Variants in MRPS9 observed in about 807,000 individuals in gnomAD.
MRPS9 encodes small ribosomal subunit protein uS9m.
In MRPS9, 45 loss-of-function variants were observed where a neutral mutation model predicts 59.9. The ratio of observed to expected loss-of-function variants is 0.75; its 90% CI spans 0.59 to 0.96. The LOEUF (loss-of-function observed/expected upper bound fraction) is 0.96, where lower values mean the gene tolerates loss of function less well. Ranked by LOEUF, MRPS9 falls within the 40% of genes least tolerant of loss-of-function variation. The probability of loss-of-function intolerance (pLI) is 0.00; values close to 1 mark genes in which losing one functional copy is unlikely to be tolerated. For synonymous variants in MRPS9, 171 were observed against 166.8 expected (o/e 1.03, Z -0.19); for missense variants, 473 against 481.1 (o/e 0.98, Z 0.16).
chr2:105,094,318 C>T (rs937476578), intron 9 of MRPS9, among the ~76,000 whole-genome samples: 7 of 152,110 alleles, frequency 4.6e-5, no homozygotes, highest in African/African-American at 1.7e-4. Flanking sequence ...ATAGATACTA[C>T]AGCTCTTCTA....
intron 1 of MRPS9, among the ~76,000 whole-genome samples, chr2:105,044,505 C>T (rs1679559595): frequency 6.6e-6 from 1 of 152,112 alleles, no homozygotes; most frequent in Non-Finnish European, 1.5e-5. Flanking sequence ...TACTCTTAAG[C>T]AATGTGTAGA....
chr2:105,049,035 T>G, intron 1 of MRPS9, 136 bp from the exon 2 acceptor site: 3 of 619,418 alleles, frequency 4.8e-6, no homozygotes, highest in South Asian at 5.1e-5. Flanking sequence ...TTAAACTTGC[T>G]TTTTGGACTC....
intron 1 of MRPS9, chr2:105,038,438 A>G: frequency 1.7e-6 from 1 of 605,518 alleles, no homozygotes; most frequent in Non-Finnish European, 2.8e-6. Flanking sequence ...TGCGGGGTGC[A>G]GCGAGGGGAA....
At chr2:105,041,375 T>C (rs1345922103) in intron 1 of MRPS9, among the ~76,000 whole-genome samples, 1 of 152,326 alleles carries the variant, frequency 6.6e-6, no homozygotes, top group South Asian at 2.1e-4. Context: ...CTGAACACTT[T>C]CCTAGTGCTT....
At chr2:105,057,580 C>T (rs73945019) in intron 2 of MRPS9, among the ~76,000 whole-genome samples, 33,435 of 151,918 alleles carry the variant, frequency 0.22, 3,709 homozygotes, top group Middle Eastern at 0.35. Context: ...TAAAGAACAG[C>T]TAGGTGAGGA....
chr2:105,068,359 T>C (rs1285598700), intron 2 of MRPS9, among the ~76,000 whole-genome samples: 1 of 152,230 alleles, frequency 6.6e-6, no homozygotes. Flanking sequence ...ATTTGCTTTA[T>C]GCTGCAGTGT....
intron 10 of MRPS9, 86 bp downstream of exon 10, chr2:105,097,410 A>G (rs10206662): frequency 0.29 from 357,424 of 1,233,504 alleles, 52,565 homozygotes; most frequent in East Asian, 0.42. Flanking sequence ...TGAAGTTCGT[A>G]AGAAAATATA....
chr2:105,081,196 A>G (rs1240655113), intron 5 of MRPS9, among the ~76,000 whole-genome samples: 1 of 152,210 alleles, frequency 6.6e-6, no homozygotes, highest in African/African-American at 2.4e-5. Flanking sequence ...TGCAGTGCTA[A>G]GAAATAATGT....
chr2:105,045,238 CATTTT>C (rs1319320347), intron 1 of MRPS9, among the ~76,000 whole-genome samples: 1 of 151,480 alleles, frequency 6.6e-6, no homozygotes, highest in Non-Finnish European at 1.5e-5. Flanking sequence ...TACATTTAAA[CATTTT>C]ATTCAGAGAC....
intron 5 of MRPS9, among the ~76,000 whole-genome samples, chr2:105,085,051 G>A (rs948023083): frequency 1.3e-5 from 2 of 152,086 alleles, no homozygotes; most frequent in African/African-American, 4.8e-5. Context: ...TCACTCCTGG[G>A]TGTGGACTTC....
chr2:105,053,434 T>A lies in MRPS9; in HGVS notation c.315+4084T>A, dbSNP rs1279495961. Among the ~76,000 whole-genome samples the A allele has an allele frequency of 2.0e-5, 3 of 152,228 alleles. No homozygotes were observed. In the East Asian group the frequency reaches 5.8e-4, roughly 29 times the overall value. ...ATTTTAGAAACTAGTTTTTTCATAC[T>A]AGTTATCCAATTACTAAAATAATGA... On this transcript the variant is annotated intron_variant, in intron 2 of 10. Transcript: ENST00000258455.
At chr2:105,043,374 A>T (rs1679535294) in intron 1 of MRPS9, among the ~76,000 whole-genome samples, 1 of 152,284 alleles carries the variant, frequency 6.6e-6, no homozygotes, top group Middle Eastern at 3.4e-3. Flanking sequence ...AGGAGGAATT[A>T]GTTCTTTTTC....
intron 1 of MRPS9, among the ~76,000 whole-genome samples, chr2:105,048,508 T>C (rs1037040565): frequency 2.0e-5 from 3 of 151,840 alleles, no homozygotes; most frequent in Non-Finnish European, 4.4e-5. Flanking sequence ...ATAATAATAA[T>C]TTTAAAAAAA....
At chr2:105,089,128 A>G in intron 6 of MRPS9, 59 bp downstream of exon 6, 2 of 1,346,084 alleles carry the variant, frequency 1.5e-6, no homozygotes, top group African/African-American at 1.5e-5. Flanking sequence ...CATGCCACTC[A>G]TTGGTATTTT....
At chr2:105,071,532 G>A (rs769911382) in intron 4 of MRPS9, 43 bp downstream of exon 4, 84 of 1,565,308 alleles carry the variant, frequency 5.4e-5, no homozygotes, top group Non-Finnish European at 6.3e-5. Flanking sequence ...TTTCTTTACC[G>A]TATTCCGGTG....
At chr2:105,079,403 A>G (rs1453184837) in intron 4 of MRPS9, among the ~76,000 whole-genome samples, 1 of 152,170 alleles carries the variant, frequency 6.6e-6, no homozygotes, top group African/African-American at 2.4e-5. Flanking sequence ...GGTGGTGGTT[A>G]GTTAGATATG....
chr2:105,078,896 C>CT (rs934729143), intron 4 of MRPS9, among the ~76,000 whole-genome samples: 1 of 151,890 alleles, frequency 6.6e-6, no homozygotes, highest in Non-Finnish European at 1.5e-5. Context: ...AGCCCAAAGC[C>CT]TTAAAGCATG....
intron 5 of MRPS9, among the ~76,000 whole-genome samples, chr2:105,083,741 G>A (rs1558760899): frequency 6.6e-6 from 1 of 152,102 alleles, no homozygotes; most frequent in Non-Finnish European, 1.5e-5. Context: ...GTTACATATT[G>A]TGTACTGGGG....
chr2:105,052,938 C>G (rs1181042330), intron 2 of MRPS9, among the ~76,000 whole-genome samples: 3 of 152,116 alleles, frequency 2.0e-5, no homozygotes, highest in Non-Finnish European at 2.9e-5. Flanking sequence ...GTTTGTTTGA[C>G]TGATAAAGAC....
Sources: gnomAD v4.1 joint callset for allele counts (sites outside exome capture counted in the v4.1 genomes callset) on GRCh38, gnomAD v4.1.1 for gene constraint, MANE v1.5 for transcripts, NCBI Gene and HGNC (gene_info 2026-07-23, HGNC 2026-07-21) for gene names.